ARMH3: variants seen among roughly 807,000 people sequenced by gnomAD.
ARMH3 encodes the protein armadillo-like helical domain-containing protein 3.
A neutral mutation model predicts 99.1 loss-of-function variants in ARMH3; 60 were observed. The observed-to-expected ratio is 0.61, with a 90% CI of 0.49 to 0.75. ARMH3 has a LOEUF of 0.75. Ranked by LOEUF, ARMH3 falls within the 30% of genes least tolerant of loss-of-function variation. The pLI, the probability that ARMH3 is intolerant of heterozygous loss-of-function variation, is 0.00. For missense variants in ARMH3, 679 were observed against 843.1 expected (o/e 0.81, Z 2.41); for synonymous variants, 285 against 292.8 (o/e 0.97, Z 0.27).
At chr10:101,937,102 T>C (rs1829071829) in intron 23 of ARMH3, among the ~76,000 whole-genome samples, 1 of 152,204 alleles carries the variant, frequency 6.6e-6, no homozygotes, top group African/African-American at 2.4e-5. Context: ...AATTTCCATA[T>C]TCCTTTCAAT....
chr10:101,924,045 T>C (rs923774647), intron 23 of ARMH3, among the ~76,000 whole-genome samples: 3 of 152,180 alleles, frequency 2.0e-5, no homozygotes, highest in East Asian at 1.9e-4. Context: ...GAGTCAGGAA[T>C]AGATCAAAGC....
chr10:101,887,585 T>G (rs1399824952), intron 24 of ARMH3, among the ~76,000 whole-genome samples: 1 of 135,258 alleles, frequency 7.4e-6, no homozygotes, highest in Admixed American at 7.5e-5. Flanking sequence ...TCTTTCTCTC[T>G]CTCTCTCTTT....
intron 19 of ARMH3, among the ~76,000 whole-genome samples, chr10:101,985,258 A>G (rs118059379): frequency 0.03 from 4,429 of 148,922 alleles, 104 homozygotes; most frequent in Non-Finnish European, 0.045. Context: ...GTGTATATAT[A>G]TGTGTATATA....
At chr10:101,889,704 A>C in intron 23 of ARMH3, 1 of 540,794 alleles carries the variant, frequency 1.8e-6, no homozygotes, top group Non-Finnish European at 3.4e-6. Context: ...CAGAAAATAG[A>C]ATCAAGCATC....
At chr10:102,049,627 G>A (rs1389094380) in intron 1 of ARMH3, among the ~76,000 whole-genome samples, 1 of 149,664 alleles carries the variant, frequency 6.7e-6, no homozygotes, top group Non-Finnish European at 1.5e-5. Flanking sequence ...CTGAAGTGCA[G>A]TGGCACAATC....
At chr10:101,973,725 T>C (rs1407780611) in intron 20 of ARMH3, among the ~76,000 whole-genome samples, 1 of 151,176 alleles carries the variant, frequency 6.6e-6, no homozygotes, top group Non-Finnish European at 1.5e-5. Context: ...GGAAAGAAAA[T>C]AGAATGAAAG....
At chr10:101,970,395 T>C (rs1845714169) in intron 20 of ARMH3, among the ~76,000 whole-genome samples, 1 of 152,094 alleles carries the variant, frequency 6.6e-6, no homozygotes, top group East Asian at 1.9e-4. Flanking sequence ...TACTGGGTTC[T>C]ATTATTATTA....
intron 15 of ARMH3, among the ~76,000 whole-genome samples, chr10:101,999,752 G>C (rs367786336): frequency 6.6e-6 from 1 of 152,114 alleles, no homozygotes; most frequent in Non-Finnish European, 1.5e-5. Context: ...AAATATTTAT[G>C]TGTAAAGCAG....
intron 15 of ARMH3, 60 bp from the exon 16 acceptor site, chr10:101,995,415 AT>A: frequency 7.3e-7 from 1 of 1,370,124 alleles, no homozygotes; most frequent in Non-Finnish European, 1.0e-6. Context: ...ATCTGTTTCA[AT>A]ACAGAACAAG....
intron 8 of ARMH3, 90 bp downstream of exon 8, chr10:102,023,387 G>T (rs187718699): frequency 8.6e-7 from 1 of 1,162,344 alleles, no homozygotes; most frequent in Non-Finnish European, 1.2e-6. Context: ...TACCAAGAAC[G>T]TCTTCTACAT....
At chr10:102,008,705 A>G (rs2066562395) in intron 13 of ARMH3, among the ~76,000 whole-genome samples, 1 of 151,746 alleles carries the variant, frequency 6.6e-6, no homozygotes, top group African/African-American at 2.4e-5. Context: ...GGCGTCCGCC[A>G]CCACGCCCAG....
At chr10:101,881,616 T>C (rs564545403) in intron 24 of ARMH3, among the ~76,000 whole-genome samples, 41 of 152,312 alleles carry the variant, frequency 2.7e-4, no homozygotes, top group African/African-American at 9.1e-4. Context: ...ATGTCTACCA[T>C]TGAGGCTGGC....
At chr10:101,848,585 C>CAGGAAGGAAGCAG (rs1754133095) in intron 25 of ARMH3, among the ~76,000 whole-genome samples, 2 of 152,244 alleles carry the variant, frequency 1.3e-5, no homozygotes, top group South Asian at 4.1e-4. Flanking sequence ...ATGAAGTCAT[C>CAGGAAGGAAGCAG]AGGAAGGAAG....
intron 4 of ARMH3, among the ~76,000 whole-genome samples, chr10:102,032,675 C>T (rs1203661745): frequency 6.6e-6 from 1 of 152,174 alleles, no homozygotes; most frequent in Non-Finnish European, 1.5e-5. Context: ...GCTAGGATTA[C>T]AGGCGTGAAC....
chr10:102,049,420 T>A (rs1028206615), intron 1 of ARMH3, among the ~76,000 whole-genome samples: 19 of 151,892 alleles, frequency 1.3e-4, no homozygotes, highest in Non-Finnish European at 1.0e-4. Flanking sequence ...CAAGTGCCTG[T>A]AATCCCAGCT....
intron 19 of ARMH3, among the ~76,000 whole-genome samples, chr10:101,990,295 T>C (rs1564826621): frequency 6.6e-6 from 1 of 151,144 alleles, no homozygotes; most frequent in South Asian, 2.1e-4. Context: ...GCCATACTCC[T>C]GCCTCAGCCT....
At chr10:101,969,505 A>C (rs1845676414) in intron 20 of ARMH3, among the ~76,000 whole-genome samples, 1 of 152,200 alleles carries the variant, frequency 6.6e-6, no homozygotes. Context: ...CTTCCAACGA[A>C]AGGCTCTCAA....
intron 18 of ARMH3, among the ~76,000 whole-genome samples, chr10:101,991,476 G>A (rs1476346606): frequency 6.6e-6 from 1 of 152,150 alleles, no homozygotes; most frequent in African/African-American, 2.4e-5. Context: ...TGCCTCCTGG[G>A]TTCAAGCGAT....
intron 20 of ARMH3, among the ~76,000 whole-genome samples, chr10:101,970,476 T>C (rs1845716907): frequency 6.6e-6 from 1 of 152,176 alleles, no homozygotes; most frequent in South Asian, 2.1e-4. Flanking sequence ...AAATCTTACA[T>C]ATCCATTCAT....
Sources: allele counts gnomAD v4.1 joint callset (sites outside exome capture counted in the v4.1 genomes callset), GRCh38; gene constraint gnomAD v4.1.1; transcripts MANE v1.5; gene names NCBI Gene and HGNC (gene_info 2026-07-23, HGNC 2026-07-21).